The following ATP10B variants were observed in gnomAD, a reference collection of about 807,000 sequenced individuals.
ATP10B encodes the protein ATPase phospholipid transporting 10B (putative).
In ATP10B, 122 loss-of-function variants were observed where a neutral mutation model predicts 141.2. The observed-to-expected ratio is 0.86, with a 90% CI of 0.75 to 1.00. The LOEUF is 1.00. Among genes scored for constraint, ATP10B ranks in the 50% least tolerant of loss-of-function variants. The pLI is 0.00. For missense variants in ATP10B, 1,876 were observed against 1,825.3 expected, an observed-to-expected ratio of 1.03 and a Z score of -0.51; for synonymous variants, 685 against 692.0, an observed-to-expected ratio of 0.99 and a Z score of 0.16.
intron 1 of ATP10B, among the ~76,000 whole-genome samples, chr5:160,809,578 GTATAA>G (rs1561876978): frequency 6.6e-6 from 1 of 152,072 alleles, no homozygotes; most frequent in African/African-American, 2.4e-5. Context: ...ATTTGAAACT[GTATAA>G]TATATTATTG....
chr5:160,827,972 A>T (rs1033070106), intron 1 of ATP10B, among the ~76,000 whole-genome samples: 2 of 152,158 alleles, frequency 1.3e-5, no homozygotes, highest in African/African-American at 4.8e-5. Context: ...TACAAGAACC[A>T]TGCTGTTTTG....
intron 1 of ATP10B, among the ~76,000 whole-genome samples, chr5:160,850,455 C>T (rs781743943): frequency 3.3e-5 from 5 of 151,920 alleles, no homozygotes; most frequent in Non-Finnish European, 7.4e-5. Flanking sequence ...GAAGAAGCAA[C>T]ACTGGATTGA....
chr5:160,823,011 TATATATATATATATATATATATATAAA>T (rs1463900245), intron 1 of ATP10B, among the ~76,000 whole-genome samples: 4 of 115,024 alleles, frequency 3.5e-5, no homozygotes, highest in Admixed American at 8.8e-5. Flanking sequence ...CATATATATA[TATATATATATATATATATATATATAAA>T]ATAAAGAGTG....
At chr5:160,892,767 T>C in the ATP10B span, among the ~76,000 whole-genome samples, 1 of 152,134 alleles carries the variant, frequency 6.6e-6, no homozygotes, top group Non-Finnish European at 1.5e-5. Context: ...GATGGATGAA[T>C]AGGAACAGAT....
At chr5:160,612,590 G>A in intron 18 of ATP10B, 151 bp downstream of exon 18, 1 of 586,124 alleles carries the variant, frequency 1.7e-6, no homozygotes, top group South Asian at 2.5e-5. Context: ...ATGACTTCCA[G>A]GGTCCTCTAG....
At chr5:160,912,493 G>C in the ATP10B span, among the ~76,000 whole-genome samples, 6 of 151,442 alleles carry the variant, frequency 4.0e-5, no homozygotes, top group African/African-American at 1.2e-4. Flanking sequence ...CAGCTACTTG[G>C]GAGGCTGACA....
chr5:160,606,857 C>T lies in ATP10B; in HGVS notation c.3068G>A (p.Arg1023Gln), dbSNP rs184625643. 1,224 of 1,614,102 alleles carry T rather than the reference C, an allele frequency of 7.6e-4. 1 individual carries two copies. Among genetic ancestry groups the T allele is most frequent in the Middle Eastern group, 1.7e-3 (10 of 6,060 alleles). The change falls in exon 19 of 26, where the codon CGG becomes CAG. Residue 1023 changes from arginine (R) to glutamine (Q), a missense_variant. Transcript: ENST00000327245. The stretch of plus-strand genomic sequence containing the variant: ...CGTGGAGCGGCAGCACAGGACGGAC[C>T]GACAATACTGGGTCAATTCCAGAAA... ...KKFLELTQYCRSVLCCRSTPL... is the reference protein window; with the variant it reads ...KKFLELTQYCQSVLCCRSTPL...
chr5:160,740,027 G>A lies in ATP10B; in HGVS notation c.-330-22993C>T, dbSNP rs116133764. On this transcript the variant is annotated intron_variant, in intron 2 of 25. Transcript: ENST00000327245. The stretch of plus-strand genomic sequence containing the variant: ...TACTGAATAAATAAGTGAGGAAGAA[G>A]GGGAACTAATGGAAATCATCACTAA... 6.8e-3 allele frequency among the ~76,000 whole-genome samples: 1,034 copies of A among 152,262 alleles called. 13 individuals are homozygous for A. The highest frequency in any genetic ancestry group is 0.022 in the African/African-American group (914 of 41,554).
At chr5:160,802,009 A>G (rs533958204) in intron 1 of ATP10B, among the ~76,000 whole-genome samples, 1 of 152,296 alleles carries the variant, frequency 6.6e-6, no homozygotes, top group South Asian at 2.1e-4. Flanking sequence ...AACGTTTGCC[A>G]GCATAGTAGA....
chr5:160,928,936 A>G, the ATP10B span, among the ~76,000 whole-genome samples: 1 of 152,232 alleles, frequency 6.6e-6, no homozygotes, highest in Non-Finnish European at 1.5e-5. Context: ...ACGACCACAT[A>G]GAGCTATCAC....
chr5:160,595,681 T>C (rs1302441074), intron 22 of ATP10B, among the ~76,000 whole-genome samples: 2 of 151,854 alleles, frequency 1.3e-5, no homozygotes, highest in Non-Finnish European at 2.9e-5. Context: ...AAGAATCAAA[T>C]AGATGCAATA....
At chr5:160,670,741 G>T (rs1047958977) in intron 6 of ATP10B, 74 bp from the exon 7 acceptor site, 8 of 1,370,988 alleles carry the variant, frequency 5.8e-6, no homozygotes, top group African/African-American at 1.4e-5. Flanking sequence ...ATAGAGGAAG[G>T]TCCCACCAGC....
At chr5:160,782,338 A>G (rs1407580273) in intron 2 of ATP10B, among the ~76,000 whole-genome samples, 1 of 152,142 alleles carries the variant, frequency 6.6e-6, no homozygotes, top group East Asian at 1.9e-4. Flanking sequence ...GTTGTCTGCA[A>G]TAACAGCAGT....
At chr5:160,725,485 G>A (rs1766275169) in intron 2 of ATP10B, among the ~76,000 whole-genome samples, 1 of 150,152 alleles carries the variant, frequency 6.7e-6, no homozygotes, top group Admixed American at 6.6e-5. Context: ...TTGCTCTGTC[G>A]CCAAGGCTGG....
the ATP10B span, among the ~76,000 whole-genome samples, chr5:160,904,089 C>G: frequency 2.0e-5 from 3 of 152,018 alleles, no homozygotes; most frequent in Non-Finnish European, 4.4e-5. Flanking sequence ...CCCTGCTCCC[C>G]TGGAAAAGCT....
the ATP10B span, among the ~76,000 whole-genome samples, chr5:160,895,199 T>A: frequency 6.7e-6 from 1 of 149,422 alleles, no homozygotes; most frequent in Non-Finnish European, 1.5e-5. Flanking sequence ...AATTCACACA[T>A]AACAATATTA....
intron 2 of ATP10B, among the ~76,000 whole-genome samples, chr5:160,782,190 T>G (rs912430132): frequency 6.6e-6 from 1 of 152,160 alleles, no homozygotes; most frequent in Non-Finnish European, 1.5e-5. Context: ...CGCAGTAATG[T>G]AAATATATTA....
At chr5:160,789,460 T>C (rs1771410906) in intron 1 of ATP10B, among the ~76,000 whole-genome samples, 1 of 152,164 alleles carries the variant, frequency 6.6e-6, no homozygotes, top group African/African-American at 2.4e-5. Flanking sequence ...TAGGTCATTG[T>C]AACAAAATAG....
intron 7 of ATP10B, among the ~76,000 whole-genome samples, chr5:160,660,783 C>A (rs1761857224): frequency 6.6e-6 from 1 of 152,208 alleles, no homozygotes; most frequent in Admixed American, 6.5e-5. Flanking sequence ...AATGCCAAAT[C>A]TAACCCCAGT....
Sources: allele counts gnomAD v4.1 joint callset (sites outside exome capture counted in the v4.1 genomes callset), GRCh38; gene constraint gnomAD v4.1.1; transcripts MANE v1.5; gene names NCBI Gene and HGNC (gene_info 2026-07-23, HGNC 2026-07-21).